ZEB1: variants seen among roughly 807,000 people sequenced by gnomAD.
The protein encoded by ZEB1 is zinc finger E-box-binding homeobox 1.
ZEB1 carries 21 observed loss-of-function variants against 84.9 expected under a neutral mutation model. That is an observed-to-expected ratio of 0.25 (90% CI 0.18 to 0.36). ZEB1 has a LOEUF of 0.36. ZEB1 is among the 10% of genes least tolerant of loss of function. The pLI, the probability that ZEB1 is intolerant of heterozygous loss-of-function variation, is 1.00. For synonymous variants in ZEB1, 420 were observed against 471.1 expected (o/e 0.89, Z 1.41); for missense variants, 1,104 against 1,330.2 (o/e 0.83, Z 2.65).
At chr10:31,386,941 T>A (rs1287339948) in intron 1 of ZEB1, among the ~76,000 whole-genome samples, 1 of 152,106 alleles carries the variant, frequency 6.6e-6, no homozygotes, top group Non-Finnish European at 1.5e-5. Flanking sequence ...GTCTAAGGAG[T>A]AATATTTGAA....
chr10:31,427,735 T>C (rs2136182064), intron 1 of ZEB1, among the ~76,000 whole-genome samples: 1 of 152,012 alleles, frequency 6.6e-6, no homozygotes, highest in South Asian at 2.1e-4. Context: ...GGCGGGCGCC[T>C]GTAGTCCCAG....
rs1040536016 is a variant in ZEB1, at chr10:31,333,690, T to C, written c.58+14398T>C. Among the ~76,000 whole-genome samples the C allele has an allele frequency of 5.9e-5, 9 of 152,012 alleles. No individual in the cohort carries two copies. In the East Asian group the frequency reaches 1.7e-3, roughly 29 times the overall value. On this transcript the variant is annotated intron_variant, in intron 1 of 8. Coordinates refer to ENST00000424869, the MANE Select transcript of ZEB1 (RefSeq NM_001174096.2). ...AGAAGACAAGTAGCACAAAAGTACA[T>C]AGCAGCAATAAGTGCAAATATATTA...
intron 2 of ZEB1, among the ~76,000 whole-genome samples, chr10:31,472,050 A>G (rs1425819232): frequency 9.6e-4 from 143 of 149,642 alleles, no homozygotes; most frequent in Middle Eastern, 3.4e-3. Context: ...TCTCTGGGAC[A>G]CATTCAAAGC....
intron 1 of ZEB1, among the ~76,000 whole-genome samples, chr10:31,349,835 G>A (rs1398346585): frequency 2.6e-5 from 4 of 152,026 alleles, no homozygotes; most frequent in Non-Finnish European, 5.9e-5. Context: ...CAGTTGTATG[G>A]TGTGTTTTCA....
chr10:31,489,978 T>G (rs543538433), intron 2 of ZEB1, among the ~76,000 whole-genome samples: 1 of 151,684 alleles, frequency 6.6e-6, no homozygotes, highest in African/African-American at 2.4e-5. Context: ...GAATTTAGAA[T>G]TTTGAGCTGA....
intron 1 of ZEB1, among the ~76,000 whole-genome samples, chr10:31,441,667 G>T (rs1256273414): frequency 6.6e-6 from 1 of 152,108 alleles, no homozygotes; most frequent in East Asian, 1.9e-4. Context: ...ATTTGACAAA[G>T]GGCTAATATC....
chr10:31,441,370 C>A, intron 1 of ZEB1, among the ~76,000 whole-genome samples: 1 of 152,174 alleles, frequency 6.6e-6, no homozygotes. Flanking sequence ...AAAGCTGAAA[C>A]TGGATCCTTT....
intron 1 of ZEB1, among the ~76,000 whole-genome samples, chr10:31,446,204 A>C (rs1184463862): frequency 1.3e-5 from 2 of 152,158 alleles, no homozygotes; most frequent in East Asian, 3.9e-4. Flanking sequence ...TTATTTGCAT[A>C]GAGCTGTTTG....
intron 1 of ZEB1, chr10:31,387,880 A>T (rs1166936960): frequency 7.6e-6 from 4 of 528,022 alleles, no homozygotes; most frequent in Non-Finnish European, 9.7e-6. Context: ...TAAAATTGGC[A>T]ATTTCTTTTT....
chr10:31,341,534 G>A (rs2039364668), intron 1 of ZEB1, among the ~76,000 whole-genome samples: 1 of 152,136 alleles, frequency 6.6e-6, no homozygotes, highest in African/African-American at 2.4e-5. Flanking sequence ...CACTAATGGA[G>A]GAAGGCTAAC....
rs147423759 is a variant in ZEB1, at chr10:31,452,800, T to A, written c.59-8237T>A. ...GATGTTATTGTAGTCCCAATTGATGTTAAAGAATAATGGATGGAAACACTT... is the reference window on the plus strand; with the variant it reads ...GATGTTATTGTAGTCCCAATTGATGATAAAGAATAATGGATGGAAACACTT... On this transcript the variant is annotated intron_variant, in intron 1 of 8. Transcript: ENST00000424869. Among the ~76,000 whole-genome samples the A allele has an allele frequency of 2.6e-3, 381 of 143,880 alleles. 1 individual carries two copies. Among genetic ancestry groups the A allele is most frequent in the Admixed American group, 4.8e-3 (72 of 14,878 alleles). 94.4% of individuals were successfully genotyped at this position (143,880 alleles called of 152,430 possible). A position where few individuals can be genotyped will look rare whatever the true frequency, so the allele number is the denominator to read the frequency against.
chr10:31,520,022 GTCT>G lies in ZEB1; in HGVS notation c.794-99_794-97del, dbSNP rs1179660483. The G allele has an allele frequency of 7.0e-7, 1 of 1,432,736 alleles. No homozygotes were observed. The highest frequency in any genetic ancestry group is 9.5e-7 in the Non-Finnish European group (1 of 1,056,058). 88.8% of individuals were successfully genotyped at this position (1,432,736 alleles called of 1,614,324 possible). A position where few individuals can be genotyped will look rare whatever the true frequency, so the allele number is the denominator to read the frequency against. ...AGTTCTGTCACAAGCATGCATGGCA[GTCT>G]TCTTTTTAAAATTGATACCGCTTGT... On this transcript the variant is annotated intron_variant, in intron 6 of 8. Coordinates refer to ENST00000424869, the MANE Select transcript of ZEB1 (RefSeq NM_001174096.2). The surrounding 1 kb of genome is among the most constrained non-coding windows in gnomAD (Gnocchi z 5.1).
chr10:31,442,968 G>C (rs572614210), intron 1 of ZEB1, among the ~76,000 whole-genome samples: 1 of 152,146 alleles, frequency 6.6e-6, no homozygotes, highest in Non-Finnish European at 1.5e-5. Context: ...AAAAAGCTTT[G>C]AAGTATAGAG....
chr10:31,496,497 G>GA (rs1433847763), intron 3 of ZEB1, among the ~76,000 whole-genome samples: 8 of 152,132 alleles, frequency 5.3e-5, no homozygotes, highest in African/African-American at 1.9e-4. Flanking sequence ...AGAGTAGGTG[G>GA]AAAAATTAAA....
At chr10:31,440,539 G>C (rs754460102) in intron 1 of ZEB1, among the ~76,000 whole-genome samples, 14 of 152,120 alleles carry the variant, frequency 9.2e-5, no homozygotes, top group South Asian at 2.1e-4. Flanking sequence ...TCAACATATT[G>C]TTGGAAATTC....
intron 4 of ZEB1, among the ~76,000 whole-genome samples, chr10:31,509,023 T>C (rs960324352): frequency 8.6e-5 from 13 of 152,028 alleles, no homozygotes; most frequent in Admixed American, 1.3e-4. Context: ...GCTCCTCTGC[T>C]GGGAGGAGGT....
chr10:31,343,836 C>T (rs781039960), intron 1 of ZEB1, among the ~76,000 whole-genome samples: 5 of 151,990 alleles, frequency 3.3e-5, no homozygotes, highest in African/African-American at 7.2e-5. Context: ...TTCATTTTAC[C>T]GTGTTCTTTG....
At chr10:31,333,385 A>G (rs2037238493) in intron 1 of ZEB1, among the ~76,000 whole-genome samples, 1 of 152,158 alleles carries the variant, frequency 6.6e-6, no homozygotes, top group South Asian at 2.1e-4. Context: ...ATAGTTGTAG[A>G]TGGATGGTCT....
intron 2 of ZEB1, among the ~76,000 whole-genome samples, chr10:31,462,688 G>A (rs1445965349): frequency 6.6e-6 from 1 of 152,100 alleles, no homozygotes; most frequent in Non-Finnish European, 1.5e-5. Context: ...AAAATATGAA[G>A]TGATTTGTGT....
Sources: gnomAD v4.1 joint callset for allele counts (sites outside exome capture counted in the v4.1 genomes callset) on GRCh38, gnomAD v4.1.1 for gene constraint, Gnocchi (gnomAD v3.1) non-coding constraint, MANE v1.5 for transcripts, NCBI Gene and HGNC (gene_info 2026-07-23, HGNC 2026-07-21) for gene names.